The following MAGI2 variants were observed in gnomAD, a reference collection of about 807,000 sequenced individuals.
MAGI2 encodes membrane-associated guanylate kinase, WW and PDZ domain-containing protein 2.
In MAGI2, 35 loss-of-function variants were observed where a neutral mutation model predicts 133.3. The observed-to-expected ratio is 0.26, with a 90% confidence interval of 0.20 to 0.35. The LOEUF (loss-of-function observed/expected upper bound fraction) is 0.35. Among genes scored for constraint, MAGI2 ranks in the 10% least tolerant of loss-of-function variants. MAGI2 has a pLI of 1.00. For missense variants in MAGI2, 1,636 were observed against 1,863.4 expected (o/e 0.88, Z 2.25); for synonymous variants, 729 against 710.6 (o/e 1.03, Z -0.41).
chr7:78,623,226 A>G (rs73143184), intron 3 of MAGI2, among the ~76,000 whole-genome samples: 2 of 152,038 alleles, frequency 1.3e-5, no homozygotes, highest in South Asian at 4.1e-4. Flanking sequence ...ACAAAAAGTC[A>G]TATTGTTAAT....
intron 1 of MAGI2, among the ~76,000 whole-genome samples, chr7:79,129,601 T>C (rs1820730250): frequency 1.3e-5 from 2 of 152,178 alleles, no homozygotes; most frequent in Non-Finnish European, 2.9e-5. Context: ...GTTTGCTTAG[T>C]GGTGACAGAA....
chr7:78,539,829 G>GT (rs1438405921), intron 3 of MAGI2, among the ~76,000 whole-genome samples: 3 of 152,316 alleles, frequency 2.0e-5, no homozygotes, highest in African/African-American at 7.2e-5. Flanking sequence ...AGGGTCCTTA[G>GT]TTGTTTTATT....
intron 11 of MAGI2, 24 bp from the exon 12 acceptor site, chr7:78,195,087 A>C (rs200241238): frequency 6.5e-7 from 1 of 1,548,520 alleles, no homozygotes; most frequent in Non-Finnish European, 8.7e-7. Context: ...GAGGACAGAG[A>C]AAATGACTGA....
At chr7:78,521,756 A>G (rs1266239922) in intron 3 of MAGI2, 111 bp from the exon 4 acceptor site, 24 of 764,980 alleles carry the variant, frequency 3.1e-5, no homozygotes, top group Non-Finnish European at 4.8e-5. Context: ...TTATATGTAC[A>G]TACATAGACA....
intron 1 of MAGI2, among the ~76,000 whole-genome samples, chr7:79,428,021 T>G (rs1190462444): frequency 1.3e-5 from 2 of 152,160 alleles, no homozygotes; most frequent in Non-Finnish European, 2.9e-5. Context: ...ATTTCCAAAT[T>G]TTTAGTGTAT....
At position 78,999,519 on chromosome 7, in the gene MAGI2, A is replaced by G. The variant is rs561073089; in HGVS notation, c.418+7571T>C. ...GATACATTCATTTTGTTTAATCGAAAGAAGAAATAAATCTATAATACTTTC... is the reference window on the plus strand; with the variant it reads ...GATACATTCATTTTGTTTAATCGAAGGAAGAAATAAATCTATAATACTTTC... On this transcript the variant is annotated intron_variant, in intron 2 of 21. Transcript: ENST00000354212. Among the ~76,000 whole-genome samples, 5 of 152,342 alleles carry G rather than the reference A, an allele frequency of 3.3e-5. No individual in the cohort carries two copies. The South Asian group carries it at 6.2e-4, about 19-fold the overall frequency.
chr7:79,062,050 T>C lies in MAGI2; in HGVS notation c.302-54844A>G, dbSNP rs77266031. On this transcript the variant is annotated intron_variant, in intron 1 of 21. Transcript: ENST00000354212. ...GTGTCCAATAAAATGATAAGTCCTTTCTTCCTTCATTTTTATTTGATTACA... is the reference window on the plus strand; with the variant it reads ...GTGTCCAATAAAATGATAAGTCCTTCCTTCCTTCATTTTTATTTGATTACA... 6.9e-3 allele frequency among the ~76,000 whole-genome samples: 1,046 copies of C among 152,200 alleles called. 14 individuals are homozygous for C. Among genetic ancestry groups the C allele is most frequent in the African/African-American group, 0.023 (975 of 41,544 alleles).
intron 2 of MAGI2, among the ~76,000 whole-genome samples, chr7:78,630,020 A>AT (rs1183545124): frequency 6.6e-6 from 1 of 152,016 alleles, no homozygotes; most frequent in African/African-American, 2.4e-5. Context: ...ATATACAGAT[A>AT]TTTTAAGTCT....
intron 7 of MAGI2, among the ~76,000 whole-genome samples, chr7:78,347,860 T>A (rs1791077460): frequency 6.6e-6 from 1 of 152,224 alleles, no homozygotes; most frequent in Admixed American, 6.5e-5. Flanking sequence ...ACCAAGGCCT[T>A]GTGCATCATG....
intron 2 of MAGI2, among the ~76,000 whole-genome samples, chr7:78,991,469 T>G (rs1280726490): frequency 6.6e-6 from 1 of 151,946 alleles, no homozygotes; most frequent in Non-Finnish European, 1.5e-5. Context: ...AACATATATA[T>G]CTATCTTATG....
At chr7:79,001,793 A>G (rs1806884583) in intron 2 of MAGI2, among the ~76,000 whole-genome samples, 1 of 152,192 alleles carries the variant, frequency 6.6e-6, no homozygotes, top group South Asian at 2.1e-4. Context: ...GAGACAATGC[A>G]TGCTGCCTTA....
At chr7:78,710,576 T>C (rs1454527836) in intron 2 of MAGI2, among the ~76,000 whole-genome samples, 4 of 152,148 alleles carry the variant, frequency 2.6e-5, no homozygotes, top group African/African-American at 7.2e-5. Flanking sequence ...CAGGGGGCTA[T>C]TGCAAGGGTG....
chr7:78,955,658 TTCC>T (rs2115639652), intron 2 of MAGI2, among the ~76,000 whole-genome samples: 2 of 146,884 alleles, frequency 1.4e-5, no homozygotes, highest in South Asian at 4.5e-4. Context: ...TCTCTCTCCC[TTCC>T]TTCTTTCCTT....
intron 21 of MAGI2, chr7:78,078,606 C>T: frequency 2.3e-6 from 1 of 435,540 alleles, no homozygotes; most frequent in South Asian, 4.8e-5. Context: ...CTCAAATGAA[C>T]AGTGGACTAT....
intron 1 of MAGI2, among the ~76,000 whole-genome samples, chr7:79,185,991 C>A (rs943107719): frequency 2.0e-5 from 3 of 151,522 alleles, no homozygotes; most frequent in African/African-American, 7.3e-5. Context: ...TTTTGTAAAA[C>A]TGTCAGATCT....
chr7:79,268,473 G>T (rs776046256), intron 1 of MAGI2, among the ~76,000 whole-genome samples: 1 of 152,096 alleles, frequency 6.6e-6, no homozygotes, highest in Non-Finnish European at 1.5e-5. Context: ...CTTTCCTAGC[G>T]TTGGAAACGC....
chr7:78,638,313 A>G (rs1402827075), intron 2 of MAGI2, among the ~76,000 whole-genome samples: 4 of 152,248 alleles, frequency 2.6e-5, no homozygotes, highest in African/African-American at 9.6e-5. Flanking sequence ...AAACTAGGGC[A>G]AAGTGAATGA....
chr7:79,051,013 C>T (rs556521978), intron 1 of MAGI2, among the ~76,000 whole-genome samples: 6 of 152,276 alleles, frequency 3.9e-5, no homozygotes, highest in East Asian at 3.9e-4. Flanking sequence ...TTTTTCTAAA[C>T]GTTGACAAAA....
chr7:78,022,038 C>CTT (rs1808446619), intron 21 of MAGI2, among the ~76,000 whole-genome samples: 1 of 152,192 alleles, frequency 6.6e-6, no homozygotes, highest in Non-Finnish European at 1.5e-5. Flanking sequence ...CAGTCATTTC[C>CTT]AGGTGCTGTG....
Sources: gnomAD v4.1 joint callset for allele counts (sites outside exome capture counted in the v4.1 genomes callset) on GRCh38, gnomAD v4.1.1 for gene constraint, MANE v1.5 for transcripts, NCBI Gene and HGNC (gene_info 2026-07-23, HGNC 2026-07-21) for gene names.